RBFOX1: variants seen among roughly 807,000 people sequenced by gnomAD.
RBFOX1 encodes the protein RNA binding protein fox-1 homolog 1.
Under a neutral mutation model 57.7 loss-of-function variants are expected in RBFOX1, and 8 were observed. That is an observed-to-expected ratio of 0.14 (90% CI 0.08 to 0.25). RBFOX1 has a LOEUF of 0.25. RBFOX1 is among the 10% of genes least tolerant of loss of function. The pLI is 1.00. For missense variants in RBFOX1, 611 were observed against 548.5 expected (o/e 1.11, Z -1.14); for synonymous variants, 326 against 222.4 (o/e 1.47, Z -4.15).
In RBFOX1 at chr16:7,563,297, C is replaced by T. The variant is rs146666211; in HGVS notation, c.271-16480C>T. Among the ~76,000 whole-genome samples the T allele has an allele frequency of 3.1e-3, 465 of 152,172 alleles. 6 individuals carry two copies. Among genetic ancestry groups the T allele is most frequent in the African/African-American group, 0.011 (440 of 41,506 alleles). On this transcript the variant is annotated intron_variant, in intron 5 of 15. Coordinates refer to ENST00000550418, the MANE Select transcript of RBFOX1 (RefSeq NM_018723.4). ...GGTGTTGACTCATTTGGGGTAGATG[C>T]CAATAGTATTCCTATTTTCTAGATA... is the stretch of plus-strand genomic sequence containing the variant.
chr16:6,323,416 G>A (rs547786842), intron 2 of RBFOX1, among the ~76,000 whole-genome samples: 1 of 152,164 alleles, frequency 6.6e-6, no homozygotes, highest in Non-Finnish European at 1.5e-5. Flanking sequence ...AGTTCTGAGG[G>A]CATGGGGTGT....
intron 4 of RBFOX1, among the ~76,000 whole-genome samples, chr16:7,164,418 A>G (rs964559295): frequency 2.0e-5 from 3 of 152,196 alleles, no homozygotes; most frequent in Non-Finnish European, 2.9e-5. Flanking sequence ...TAGTGCTGCT[A>G]TAAACATACG....
In RBFOX1 at chr16:5,408,830, A is replaced by G. The variant is rs191245358; in HGVS notation, c.220-58386A>G. Among the ~76,000 whole-genome samples, 4 of 152,276 alleles carry G rather than the reference A, an allele frequency of 2.6e-5. No individual in the cohort carries two copies. The East Asian group carries it at 7.7e-4, about 29-fold the overall frequency. ...TTGGGGGTTGGGGATTGTGCTACCC[A>G]CTTTTAAACAGTCAGAGTTGGTGAG... On this transcript the variant is annotated intron_variant, in intron 1 of 2. Transcript: ENST00000585867.
intron 4 of RBFOX1, among the ~76,000 whole-genome samples, chr16:7,200,722 G>C (rs1246765387): frequency 6.6e-6 from 1 of 152,190 alleles, no homozygotes; most frequent in Non-Finnish European, 1.5e-5. Flanking sequence ...CGGCTTAGCA[G>C]AGAGGGATCC....
At chr16:7,165,680 C>T (rs899054501) in intron 4 of RBFOX1, among the ~76,000 whole-genome samples, 4 of 151,816 alleles carry the variant, frequency 2.6e-5, no homozygotes, top group Non-Finnish European at 5.9e-5. Context: ...CTGCCTGCCT[C>T]AGCCTTCCAA....
At chr16:6,327,378 A>G (rs1213145532) in intron 2 of RBFOX1, among the ~76,000 whole-genome samples, 1 of 152,064 alleles carries the variant, frequency 6.6e-6, no homozygotes, top group East Asian at 1.9e-4. Context: ...ATTACTTAGC[A>G]CCTATAGAGT....
chr16:6,844,626 G>A (rs975534523), intron 3 of RBFOX1, among the ~76,000 whole-genome samples: 2 of 152,018 alleles, frequency 1.3e-5, no homozygotes, highest in Non-Finnish European at 2.9e-5. Context: ...TTGCTATCGT[G>A]AATAGTGCTG....
chr16:7,711,212 G>A lies in RBFOX1; in HGVS notation c.*467G>A, dbSNP rs770478831. 4.3e-5 allele frequency: 6 copies of A among 138,920 alleles called. No individual in the cohort carries two copies. Among genetic ancestry groups the A allele is most frequent in the Admixed American group, 2.3e-4 (3 of 12,970 alleles). 8.6% of individuals were successfully genotyped at this position (138,920 alleles called of 1,614,324 possible). On this transcript the variant is annotated 3_prime_UTR_variant, in exon 16 of 16. Transcript: ENST00000550418. ...GGGAGGGGCTTAGGGGATTGGAACT[G>A]GGGTTTGGCTGAAAGAAAAAAAAAA...
At chr16:5,626,872 G>C (rs1341443524) in intron 3 of RBFOX1, among the ~76,000 whole-genome samples, 2 of 151,818 alleles carry the variant, frequency 1.3e-5, no homozygotes, top group East Asian at 3.9e-4. Context: ...CTATAAGAAA[G>C]AATTTTGCTT....
At chr16:7,154,168 C>T (rs1010248611) in intron 4 of RBFOX1, among the ~76,000 whole-genome samples, 1 of 152,154 alleles carries the variant, frequency 6.6e-6, no homozygotes, top group Non-Finnish European at 1.5e-5. Context: ...TTGTTGAGCA[C>T]CTATGATGTG....
At chr16:6,950,405 G>T (rs529595428) in intron 3 of RBFOX1, among the ~76,000 whole-genome samples, 29 of 152,144 alleles carry the variant, frequency 1.9e-4, no homozygotes, top group African/African-American at 7.0e-4. Context: ...CACTACACCA[G>T]CATGCACTGA....
chr16:6,392,939 A>G (rs1001387178), intron 2 of RBFOX1, among the ~76,000 whole-genome samples: 1 of 152,254 alleles, frequency 6.6e-6, no homozygotes, highest in Non-Finnish European at 1.5e-5. Flanking sequence ...CCATGAATGA[A>G]CAATGGACTG....
At chr16:5,776,346 C>G (rs1388498389) in intron 3 of RBFOX1, among the ~76,000 whole-genome samples, 5 of 152,148 alleles carry the variant, frequency 3.3e-5, no homozygotes, top group African/African-American at 1.2e-4. Flanking sequence ...TTTTTTGGCA[C>G]AGAGTTGTTT....
intron 1 of RBFOX1, among the ~76,000 whole-genome samples, chr16:6,234,108 A>C (rs904442499): frequency 1.3e-5 from 2 of 152,136 alleles, no homozygotes; most frequent in African/African-American, 4.8e-5. Context: ...CATCCCACTC[A>C]TGAGGGGAGG....
intron 3 of RBFOX1, among the ~76,000 whole-genome samples, chr16:6,793,080 G>A (rs1385410108): frequency 6.6e-6 from 1 of 151,890 alleles, no homozygotes; most frequent in East Asian, 1.9e-4. Flanking sequence ...TAGCCACTTG[G>A]ATGCTCTCTG....
chr16:6,472,471 G>A (rs1213450801), intron 2 of RBFOX1, among the ~76,000 whole-genome samples: 3 of 152,150 alleles, frequency 2.0e-5, no homozygotes, highest in Non-Finnish European at 4.4e-5. Context: ...TTGCTATTGG[G>A]GGTCTTGTTG....
intron 3 of RBFOX1, among the ~76,000 whole-genome samples, chr16:7,037,629 G>C (rs7205118): frequency 0.055 from 8,431 of 152,228 alleles, 761 homozygotes; most frequent in African/African-American, 0.19. Flanking sequence ...AGTGCTTTCC[G>C]TGTGATAGGC....
At chr16:5,462,817 G>C (rs911585087) in intron 1 of RBFOX1, among the ~76,000 whole-genome samples, 3 of 152,108 alleles carry the variant, frequency 2.0e-5, no homozygotes, top group Non-Finnish European at 4.4e-5. Flanking sequence ...CGATGTAAGA[G>C]TGGCATTCGG....
rs2050337578 is a variant in RBFOX1, at chr16:5,681,489, A to C, written c.318+82528A>C. On this transcript the variant is annotated intron_variant, in intron 3 of 19. Coordinates refer to the RBFOX1 transcript ENST00000641259. ...CTGCAACCTCCCCATCCCCGGTTCA[A>C]GTGATTCTCCTGCCTCAGCCTCTGG... Among the ~76,000 whole-genome samples the C allele has an allele frequency of 1.3e-5, 2 of 149,570 alleles. 1 individual carries two copies. The highest frequency in any genetic ancestry group is 4.9e-5 in the African/African-American group (2 of 40,442).
Sources: gnomAD v4.1 joint callset for allele counts (sites outside exome capture counted in the v4.1 genomes callset) on GRCh38, gnomAD v4.1.1 for gene constraint, MANE v1.5 for transcripts, NCBI Gene and HGNC (gene_info 2026-07-23, HGNC 2026-07-21) for gene names.